GFOD2: variants seen among roughly 807,000 people sequenced by gnomAD.
GFOD2 encodes Gfo/Idh/MocA-like oxidoreductase domain containing 2.
Under a neutral mutation model 24.6 loss-of-function variants are expected in GFOD2, and 9 were observed. That is an observed-to-expected ratio of 0.37 (90% CI 0.22 to 0.64). GFOD2 has a LOEUF of 0.64. Among genes scored for constraint, GFOD2 ranks in the 30% least tolerant of loss-of-function variants. The pLI, the probability that GFOD2 is intolerant of heterozygous loss-of-function variation, is 0.65. For synonymous variants in GFOD2, 211 were observed against 224.8 expected, an observed-to-expected ratio of 0.94 and a Z score of 0.55; for missense variants, 476 against 532.5, an observed-to-expected ratio of 0.89 and a Z score of 1.04.
chr16:67,708,794 G>GTGC (rs1567661921), intron 1 of GFOD2, among the ~76,000 whole-genome samples: 1 of 152,090 alleles, frequency 6.6e-6, no homozygotes. Context: ...CAGACTTGAT[G>GTGC]CACACCTCTG....
chr16:67,699,733 C>T (rs1425018578), intron 1 of GFOD2, among the ~76,000 whole-genome samples: 5 of 151,986 alleles, frequency 3.3e-5, no homozygotes, highest in Non-Finnish European at 5.9e-5. Flanking sequence ...ATCCACCAGC[C>T]TCAGCCTCCC....
chr16:67,700,778 A>G (rs1251307641), intron 1 of GFOD2, among the ~76,000 whole-genome samples: 2 of 149,586 alleles, frequency 1.3e-5, no homozygotes, highest in African/African-American at 4.9e-5. Flanking sequence ...CATGCCTGTA[A>G]TCCCAGCACT....
intron 2 of GFOD2, chr16:67,677,005 A>C (rs1210259214): frequency 6.6e-6 from 1 of 152,194 alleles, no homozygotes; most frequent in Non-Finnish European, 1.5e-5. Context: ...TTTAAATAGA[A>C]AACTTAGAAA....
intron 1 of GFOD2, among the ~76,000 whole-genome samples, chr16:67,710,907 G>A (rs1040212372): frequency 2.0e-5 from 3 of 151,972 alleles, no homozygotes; most frequent in Admixed American, 6.6e-5. Context: ...TATACCTGCC[G>A]CCATGGTCCT....
At chr16:67,706,175 C>T (rs1044529437) in intron 1 of GFOD2, among the ~76,000 whole-genome samples, 2 of 151,926 alleles carry the variant, frequency 1.3e-5, no homozygotes, top group Admixed American at 1.3e-4. Context: ...TGGGGTTTCA[C>T]CACATCGGCC....
intron 1 of GFOD2, among the ~76,000 whole-genome samples, chr16:67,701,260 C>T (rs2053400626): frequency 6.6e-6 from 1 of 152,050 alleles, no homozygotes; most frequent in African/African-American, 2.4e-5. Flanking sequence ...AGGTTTAGTA[C>T]TTACCAAGAG....
chr16:67,693,249 C>T (rs529367549), intron 1 of GFOD2, among the ~76,000 whole-genome samples: 5 of 151,766 alleles, frequency 3.3e-5, no homozygotes, highest in African/African-American at 9.7e-5. Context: ...GACAAAGAAC[C>T]TTATTTCAAA....
Position 67,690,398 on chromosome 16 carries a change from A to T in GFOD2, c.-87-4596T>A, listed in dbSNP as rs1240165497. Among the ~76,000 whole-genome samples, 441 of 137,126 alleles carry T rather than the reference A, an allele frequency of 3.2e-3. 1 individual carries two copies. Among genetic ancestry groups the T allele is most frequent in the Middle Eastern group, 0.018 (5 of 272 alleles). The allele number at this position is 137,126 out of a possible 152,430, so 90.0% of individuals were successfully genotyped here. On this transcript the variant is annotated intron_variant, in intron 1 of 2. Coordinates refer to ENST00000268797, the MANE Select transcript of GFOD2 (RefSeq NM_030819.4). ...GGATGTGAGGTGACCATTATTCACT[A>T]TTTTTTTTTTTTTTTTGAGACAGAG...
At chr16:67,686,260 G>A (rs1214926324) in intron 1 of GFOD2, among the ~76,000 whole-genome samples, 1 of 152,068 alleles carries the variant, frequency 6.6e-6, no homozygotes, top group African/African-American at 2.4e-5. Context: ...CTCCAGCCTG[G>A]GCAACAGTGC....
At chr16:67,697,723 G>A (rs1389676802) in intron 1 of GFOD2, among the ~76,000 whole-genome samples, 1 of 152,204 alleles carries the variant, frequency 6.6e-6, no homozygotes, top group Admixed American at 6.5e-5. Context: ...GTGTGAGCCA[G>A]GCAAGTTCCT....
chr16:67,715,422 G>T (rs1220440914), intron 1 of GFOD2, among the ~76,000 whole-genome samples: 1 of 151,894 alleles, frequency 6.6e-6, no homozygotes, highest in Non-Finnish European at 1.5e-5. Flanking sequence ...TTTTGTCTTT[G>T]AAGACAAGGT....
At chr16:67,690,289 A>G (rs2053301220) in intron 1 of GFOD2, among the ~76,000 whole-genome samples, 1 of 152,184 alleles carries the variant, frequency 6.6e-6, no homozygotes, top group South Asian at 2.1e-4. Context: ...ATTTCCTCCA[A>G]CAGCGTGCAA....
At chr16:67,696,925 G>A (rs1396151799) in intron 1 of GFOD2, among the ~76,000 whole-genome samples, 1 of 152,260 alleles carries the variant, frequency 6.6e-6, no homozygotes, top group Non-Finnish European at 1.5e-5. Flanking sequence ...AGCAGGCAGA[G>A]CTGGTTTTCC....
At chr16:67,687,655 A>G (rs942161125) in intron 1 of GFOD2, among the ~76,000 whole-genome samples, 8 of 150,788 alleles carry the variant, frequency 5.3e-5, no homozygotes, top group South Asian at 2.1e-4. Context: ...AAAAAAAAAA[A>G]AAAGAAAAAA....
chr16:67,707,661 C>T (rs1686818354), intron 1 of GFOD2, among the ~76,000 whole-genome samples: 2 of 152,014 alleles, frequency 1.3e-5, no homozygotes, highest in Admixed American at 6.6e-5. Flanking sequence ...CAATGGAATA[C>T]AGTAAAACAG....
chr16:67,711,766 G>A (rs1279627054), intron 1 of GFOD2, among the ~76,000 whole-genome samples: 1 of 152,156 alleles, frequency 6.6e-6, no homozygotes, highest in Non-Finnish European at 1.5e-5. Flanking sequence ...AAACCTTGGA[G>A]TTATCCTTGA....
At chr16:67,687,153 AAAAAAAAAAAG>A (rs1186736518) in intron 1 of GFOD2, among the ~76,000 whole-genome samples, 1 of 151,676 alleles carries the variant, frequency 6.6e-6, no homozygotes, top group African/African-American at 2.4e-5. Context: ...GTCACAAAAA[AAAAAAAAAAAG>A]AAAAGAAAAA....
Position 67,708,899 on chromosome 16 carries a change from T to C in GFOD2, c.-88+10264A>G, listed in dbSNP as rs553769489. The stretch of plus-strand genomic sequence containing the variant: ...AAATAAGACTCATTTGATAATTTGA[T>C]TTTTCTGTGAATTCTTTTCAGTAAT... On this transcript the variant is annotated intron_variant, in intron 1 of 2. Coordinates refer to ENST00000268797, the MANE Select transcript of GFOD2 (RefSeq NM_030819.4). 3.3e-5 allele frequency among the ~76,000 whole-genome samples: 5 copies of C among 152,108 alleles called. No homozygotes were observed. The East Asian group carries it at 5.8e-4, about 18-fold the overall frequency.
chr16:67,717,365 C>G (rs1291411691), intron 1 of GFOD2, among the ~76,000 whole-genome samples: 1 of 152,230 alleles, frequency 6.6e-6, no homozygotes, highest in Non-Finnish European at 1.5e-5. Flanking sequence ...CAGGGACCAT[C>G]TTTTAAAAAT....
Sources: allele counts gnomAD v4.1 joint callset (sites outside exome capture counted in the v4.1 genomes callset), GRCh38; gene constraint gnomAD v4.1.1; transcripts MANE v1.5; gene names NCBI Gene and HGNC (gene_info 2026-07-23, HGNC 2026-07-21).